The following MYOM3 variants were observed in gnomAD, a reference collection of about 807,000 sequenced individuals.
The protein encoded by MYOM3 is myomesin 3, also known as myomesin-3.
A neutral mutation model predicts 191.7 loss-of-function variants in MYOM3; 155 were observed. That is an observed-to-expected ratio of 0.81 (90% confidence interval 0.71 to 0.92). MYOM3 has a LOEUF of 0.92. Among genes scored for constraint, MYOM3 ranks in the 40% least tolerant of loss-of-function variants. The pLI is 0.00. For synonymous variants in MYOM3, 757 were observed against 762.9 expected (o/e 0.99, Z 0.13); for missense variants, 1,889 against 1,890.6 (o/e 1.00, Z 0.02).
At chr1:24,094,186 T>TGATA in intron 9 of MYOM3, among the ~76,000 whole-genome samples, 1 of 147,366 alleles carries the variant, frequency 6.8e-6, no homozygotes, top group African/African-American at 2.5e-5. Context: ...TTTTTTTTTT[T>TGATA]TTGAGATGGA....
rs1400419396 is a variant in MYOM3, at chr1:24,087,090, C to G, written c.1615-263G>C. Among the ~76,000 whole-genome samples the G allele has an allele frequency of 6.6e-6, 1 of 152,198 alleles. No individual in the cohort carries two copies. Among genetic ancestry groups the G allele is most frequent in the Non-Finnish European group, 1.5e-5 (1 of 68,040 alleles). On this transcript the variant is annotated intron_variant, in intron 14 of 36. Transcript: ENST00000374434. This position sits in a 1 kb window ranked among gnomAD's most constrained non-coding sequence, Gnocchi z 4.5. The stretch of plus-strand genomic sequence containing the variant: ...CATTGCACTGGTGGCCCCCATCCTT[C>G]CAGTCCCTCGGGTGAAACCCCTGGA...
Position 24,084,534 on chromosome 1 carries a change from A to T in MYOM3, c.1904T>A (p.Ile635Asn). The T allele has an allele frequency of 6.2e-7, 1 of 1,614,130 alleles. No individual in the cohort carries two copies. Among genetic ancestry groups the T allele is most frequent in the African/African-American group, 1.3e-5 (1 of 75,016 alleles). ...VKDPELLGYYIYSRKVGTSEW... is the reference protein window; with the variant it reads ...VKDPELLGYYNYSRKVGTSEW... ...AGATGTCCCCACCTTCCGGGAGTAGATGTAATAACCCAGGAGCTCTGGGTC... is the reference window on the plus strand; with the variant it reads ...AGATGTCCCCACCTTCCGGGAGTAGTTGTAATAACCCAGGAGCTCTGGGTC... Residue 635 changes from isoleucine to asparagine, a missense_variant, in exon 16 of 37, where the codon ATC becomes AAC. Coordinates refer to ENST00000374434, the MANE Select transcript of MYOM3 (RefSeq NM_152372.4).
intron 1 of MYOM3, among the ~76,000 whole-genome samples, chr1:24,110,049 C>T (rs771063937): frequency 6.6e-6 from 1 of 152,212 alleles, no homozygotes; most frequent in Non-Finnish European, 1.5e-5. Context: ...GCCCGTGTGC[C>T]CGCTGGCTGT....
At position 24,068,330 on chromosome 1, in the gene MYOM3, A is replaced by G. The variant is rs1220407955; in HGVS notation, c.3188T>C (p.Val1063Ala). The G allele has an allele frequency of 1.2e-6, 2 of 1,614,032 alleles. No homozygotes were observed. Among genetic ancestry groups the G allele is most frequent in the Non-Finnish European group, 1.7e-6 (2 of 1,179,938 alleles). Residue 1063 changes from valine (V) to alanine (A), a missense_variant, in exon 26 of 37, where the codon GTG becomes GCG. Transcript: ENST00000374434. ...AGACAAGTTCTGGATGATCACTTCC[A>G]CCAGGCCCTTCTCTCGGTCAAAATT... ...KINFDREKGL[V>A]EVIIQNLSEE...
At chr1:24,110,677 G>T (rs554373726) in intron 1 of MYOM3, among the ~76,000 whole-genome samples, 1 of 152,272 alleles carries the variant, frequency 6.6e-6, no homozygotes, top group African/African-American at 2.4e-5. Flanking sequence ...GCCCCCTAAA[G>T]CTCCCTGGGC....
intron 25 of MYOM3, among the ~76,000 whole-genome samples, chr1:24,070,208 C>T (rs755945452): frequency 2.0e-5 from 3 of 152,024 alleles, no homozygotes; most frequent in Non-Finnish European, 2.9e-5. Context: ...TATAATGAAT[C>T]GGTTTGACTT....
At chr1:24,086,355 C>A (rs1347263563) in intron 15 of MYOM3, among the ~76,000 whole-genome samples, 1 of 152,038 alleles carries the variant, frequency 6.6e-6, no homozygotes, top group Non-Finnish European at 1.5e-5. Context: ...AACGGAGGGA[C>A]CAGTTGCTTG....
intron 25 of MYOM3, among the ~76,000 whole-genome samples, 191 bp downstream of exon 25, chr1:24,070,926 C>T (rs1485076215): frequency 6.6e-6 from 1 of 151,976 alleles, no homozygotes; most frequent in Non-Finnish European, 1.5e-5. Flanking sequence ...GCCAACCCCA[C>T]CCCCAACACC....
intron 4 of MYOM3, 120 bp downstream of exon 4, chr1:24,106,953 T>C: frequency 1.0e-6 from 1 of 986,306 alleles, no homozygotes; most frequent in Admixed American, 2.9e-5. Flanking sequence ...GGGCATCAGA[T>C]GCAGACCCAA....
chr1:24,096,975 C>A (rs940676497), intron 7 of MYOM3, among the ~76,000 whole-genome samples: 2 of 152,178 alleles, frequency 1.3e-5, no homozygotes, highest in East Asian at 3.9e-4. Context: ...GAAATAGAGG[C>A]TCAGGGAAGT....
At position 24,064,594 on chromosome 1, in the gene MYOM3, G is replaced by A. The variant is rs1256130297; in HGVS notation, c.3535-435C>T. ...CCCAGGAGGAAGCGTGTTTTCTCCT[G>A]CCCAGGACAAGGGGGCCCTTTTGGC... On this transcript the variant is annotated intron_variant, in intron 29 of 36. Transcript: ENST00000374434. 3.3e-5 allele frequency among the ~76,000 whole-genome samples: 5 copies of A among 152,326 alleles called. No individual in the cohort carries two copies. In the East Asian group the frequency reaches 5.8e-4, roughly 18 times the overall value.
chr1:24,072,523 C>T (rs1643544689), intron 23 of MYOM3, among the ~76,000 whole-genome samples: 1 of 151,970 alleles, frequency 6.6e-6, no homozygotes, highest in Non-Finnish European at 1.5e-5. Flanking sequence ...CTGACCGTTT[C>T]TTCTTCTTGT....
At chr1:24,065,718 ATAT>A (rs1307839117) in intron 29 of MYOM3, 170 bp downstream of exon 29, 1 of 669,892 alleles carries the variant, frequency 1.5e-6, no homozygotes, top group African/African-American at 1.8e-5. Context: ...ATTGCATACA[ATAT>A]TATTTATCTT....
intron 33 of MYOM3, 140 bp from the exon 34 acceptor site, chr1:24,061,449 G>A: frequency 1.2e-6 from 1 of 825,796 alleles, no homozygotes. Context: ...TGGGGCAGTG[G>A]CAGGACTGCG....
chr1:24,071,079 G>A (rs775945924), intron 25 of MYOM3, 38 bp downstream of exon 25: 2 of 1,603,744 alleles, frequency 1.2e-6, no homozygotes, highest in Non-Finnish European at 1.7e-6. Context: ...CTCCCCGGCA[G>A]GGGAGCCTCA....
At position 24,092,410 on chromosome 1, in the gene MYOM3, C is replaced by T. The variant is rs944433728; in HGVS notation, c.1091-95G>A. 7 of 1,122,318 alleles carry T rather than the reference C, an allele frequency of 6.2e-6. No homozygotes were observed. The African/African-American group carries it at 1.1e-4, about 18-fold the overall frequency. The allele number at this position is 1,122,318 out of a possible 1,614,324, so 69.5% of individuals were successfully genotyped here. A position where few individuals can be genotyped will look rare whatever the true frequency, so the allele number is the denominator to read the frequency against. The stretch of plus-strand genomic sequence containing the variant: ...CGCCCAGCATCCTCTTCTCATCCAT[C>T]CTCCAGGGGCTCAGTTTTGATCTTG... On this transcript the variant is annotated intron_variant, in intron 10 of 36. Coordinates refer to ENST00000374434, the MANE Select transcript of MYOM3 (RefSeq NM_152372.4).
rs766932512 is a variant in MYOM3, at chr1:24,108,493, C to T, written c.144G>A (p.Arg48=). ...GCTCCCACCTGCTGCGGAAGGTCCGCCTCCGCACAGAGGAGCCCATGCGCA... is the reference window on the plus strand; with the variant it reads ...GCTCCCACCTGCTGCGGAAGGTCCGTCTCCGCACAGAGGAGCCCATGCGCA... ...HSLRMGSSVR[R]RTFRSSEEEH... is the part of the protein sequence containing the mutation. Residue 48 remains arginine (R), a synonymous_variant, in exon 2 of 37, where the codon AGG becomes AGA. Transcript: ENST00000374434. 1.5e-5 allele frequency: 23 copies of T among 1,574,238 alleles called. No homozygotes were observed. The highest frequency in any genetic ancestry group is 1.9e-5 in the Non-Finnish European group (22 of 1,160,366).
At chr1:24,089,953 GC>G in intron 13 of MYOM3, 111 bp downstream of exon 13, 1 of 1,110,044 alleles carries the variant, frequency 9.0e-7, no homozygotes. Flanking sequence ...GGCCCCACCT[GC>G]CCTCATCCCC....
intron 36 of MYOM3, 140 bp from the exon 37 acceptor site, chr1:24,057,767 AG>A (rs1253922888): frequency 3.0e-6 from 2 of 662,384 alleles, no homozygotes; most frequent in Non-Finnish European, 5.1e-6. Flanking sequence ...TAATTTATAA[AG>A]GGGAGAGATT....
Sources: gnomAD v4.1 joint callset for allele counts (sites outside exome capture counted in the v4.1 genomes callset) on GRCh38, gnomAD v4.1.1 for gene constraint, Gnocchi (gnomAD v3.1) non-coding constraint, MANE v1.5 for transcripts, NCBI Gene and HGNC (gene_info 2026-07-23, HGNC 2026-07-21) for gene names.